Variants in USP7 observed in about 807,000 individuals in gnomAD.
USP7 encodes the protein ubiquitin specific peptidase 7, also known as ubiquitin C-terminal hydrolase 7.
Under a neutral mutation model 162.9 loss-of-function variants are expected in USP7, and 9 were observed. That is an observed-to-expected ratio of 0.06 (90% confidence interval 0.03 to 0.10). USP7 has a LOEUF of 0.10. Ranked by LOEUF, USP7 falls within the 10% of genes least tolerant of loss-of-function variation. USP7 has a pLI of 1.00. For synonymous variants in USP7, 562 were observed against 475.9 expected, an observed-to-expected ratio of 1.18 and a Z score of -2.35; for missense variants, 715 against 1,373.7, an observed-to-expected ratio of 0.52 and a Z score of 7.58.
chr16:8,936,823 T>A, intron 1 of USP7: 1 of 1,102,422 alleles, frequency 9.1e-7, no homozygotes, highest in Non-Finnish European at 1.1e-6. Flanking sequence ...AGGATATTAA[T>A]GGAAAAACTG....
chr16:8,934,109 C>T (rs193023783), intron 1 of USP7, among the ~76,000 whole-genome samples: 71 of 152,266 alleles, frequency 4.7e-4, no homozygotes, highest in Non-Finnish European at 7.6e-4. Context: ...TTTTAACTTC[C>T]TTGGTTCAAA....
intron 21 of USP7, 44 bp from the exon 22 acceptor site, chr16:8,899,801 C>T: frequency 1.2e-6 from 2 of 1,609,064 alleles, no homozygotes; most frequent in South Asian, 2.2e-5. Flanking sequence ...AAGTCCATGG[C>T]AGGGGGTAGC....
intron 1 of USP7, among the ~76,000 whole-genome samples, chr16:8,958,643 G>A (rs1483713632): frequency 2.0e-5 from 3 of 152,244 alleles, no homozygotes; most frequent in African/African-American, 4.8e-5. Flanking sequence ...GACTCCCAAC[G>A]TCTGGACACT....
intron 2 of USP7, among the ~76,000 whole-genome samples, chr16:8,929,993 T>G (rs1898227831): frequency 6.6e-6 from 1 of 152,196 alleles, no homozygotes; most frequent in Non-Finnish European, 1.5e-5. Flanking sequence ...AAGACATGCT[T>G]GTTGTTCCCA....
intron 22 of USP7, 64 bp downstream of exon 22, chr16:8,899,540 T>C: frequency 1.3e-6 from 2 of 1,586,970 alleles, no homozygotes; most frequent in South Asian, 2.3e-5. Flanking sequence ...CAACAAGCAT[T>C]TTAAGAAAGA....
intron 4 of USP7, 37 bp downstream of exon 4, chr16:8,921,120 T>C (rs773205019): frequency 9.3e-6 from 15 of 1,605,532 alleles, no homozygotes; most frequent in Admixed American, 3.4e-5. Context: ...CAAGCAGTAA[T>C]GCACCAATTG....
At chr16:8,962,553 C>T (rs150262523) in intron 1 of USP7, 2 of 428,474 alleles carry the variant, frequency 4.7e-6, no homozygotes, top group East Asian at 1.4e-4. Flanking sequence ...GCACACCTGG[C>T]CGGATGCTGG....
intron 1 of USP7, among the ~76,000 whole-genome samples, chr16:8,941,472 C>A (rs1470446626): frequency 2.6e-5 from 4 of 152,204 alleles, no homozygotes; most frequent in African/African-American, 9.6e-5. Context: ...TATCTCCAGC[C>A]GCATTTCAGC....
At chr16:8,918,826 G>C (rs916278724) in intron 6 of USP7, among the ~76,000 whole-genome samples, 3 of 152,054 alleles carry the variant, frequency 2.0e-5, no homozygotes, top group African/African-American at 7.2e-5. Context: ...AAAAAGGTTG[G>C]CGGTGGTAAC....
chr16:8,908,652 C>G (rs1306450832), intron 11 of USP7, among the ~76,000 whole-genome samples: 1 of 152,192 alleles, frequency 6.6e-6, no homozygotes. Context: ...TAAAATAATG[C>G]TGCACCAGCA....
At position 8,898,608 on chromosome 16, in the gene USP7, G is replaced by C. The variant is rs1567207327; in HGVS notation, c.2563C>G (p.His855Asp). ...TCTCTTAAAGTACCTTCATAATTAT[G>C]TCTAAGAGGATTACCTGGGCCATCC... ...YRDGPGNPLR[H>D]NYEGTLRDLL... Residue 855 changes from histidine to aspartate, a missense_variant, in exon 24 of 31, where the codon CAT (histidine) becomes GAT (aspartate). Physicochemically the swap from His to Asp is moderately conservative, Grantham distance 81. Around this residue, in one of 11 missense-constraint regions of USP7, gnomAD observed 222 missense variants for 441.7 expected, o/e 0.50. Transcript: ENST00000344836. 1 of 1,608,344 alleles carries C rather than the reference G, an allele frequency of 6.2e-7. No homozygotes were observed. The highest frequency in any genetic ancestry group is 8.5e-7 in the Non-Finnish European group (1 of 1,178,400).
At chr16:8,900,835 T>A (rs543980298) in intron 20 of USP7, 155 bp downstream of exon 20, 15 of 809,398 alleles carry the variant, frequency 1.9e-5, no homozygotes, top group South Asian at 2.0e-5. Context: ...AAAAAAAAAA[T>A]TCACAAATCT....
intron 1 of USP7, among the ~76,000 whole-genome samples, chr16:8,958,215 T>C (rs1309512605): frequency 1.3e-5 from 2 of 152,032 alleles, no homozygotes; most frequent in African/African-American, 4.8e-5. Flanking sequence ...AGTGCATGGG[T>C]CTTATGCAAG....
At chr16:8,911,609 G>A (rs1273980469) in intron 10 of USP7, among the ~76,000 whole-genome samples, 2 of 152,238 alleles carry the variant, frequency 1.3e-5, no homozygotes, top group Non-Finnish European at 2.9e-5. Flanking sequence ...AGAGCCCCGT[G>A]ATGGGCCCAG....
chr16:8,900,097 T>C (rs749584922), intron 21 of USP7: 2 of 402,060 alleles, frequency 5.0e-6, no homozygotes, highest in Non-Finnish European at 9.0e-6. Flanking sequence ...GAGCCCAGTC[T>C]CTGACCGTGA....
In USP7 at chr16:8,963,348, C is replaced by CGGCGGCGGGCCGG; in HGVS notation, c.-64_-63insCCGGCCCGCCGCC. ...CGGGGCTGCGAGCCCGGCGGGCGGGCGGCGGCGAGCCGGGGCGGCGGCGGC... is the reference window on the plus strand; with the variant it reads ...CGGGGCTGCGAGCCCGGCGGGCGGGCGGCGGCGGGCCGGGGCGGCGAGCCGGGGCGGCGGCGGC... On this transcript the variant is annotated 5_prime_UTR_variant, in exon 1 of 31. Coordinates refer to ENST00000344836, the MANE Select transcript of USP7 (RefSeq NM_003470.3). 1 of 628,382 alleles carries CGGCGGCGGGCCGG rather than the reference C, an allele frequency of 1.6e-6. No homozygotes were observed. The highest frequency in any genetic ancestry group is 2.0e-6 in the Non-Finnish European group (1 of 507,072). The allele number at this position is 628,382 out of a possible 1,614,324, so 38.9% of individuals were successfully genotyped here. A position where few individuals can be genotyped will look rare whatever the true frequency, so the allele number is the denominator to read the frequency against.
chr16:8,934,722 G>A (rs1405963378), intron 1 of USP7, among the ~76,000 whole-genome samples: 1 of 152,216 alleles, frequency 6.6e-6, no homozygotes, highest in East Asian at 1.9e-4. Context: ...CCTGACAGGT[G>A]CAGAGAAAGT....
At position 8,941,675 on chromosome 16, in the gene USP7, C is replaced by A. The variant is rs577903940; in HGVS notation, c.80-11278G>T. Among the ~76,000 whole-genome samples the A allele has an allele frequency of 3.3e-5, 5 of 152,278 alleles. No individual in the cohort carries two copies. The South Asian group carries it at 6.2e-4, about 19-fold the overall frequency. On this transcript the variant is annotated intron_variant, in intron 1 of 30. Coordinates refer to ENST00000344836, the MANE Select transcript of USP7 (RefSeq NM_003470.3). ...GTACCAGGAAAGACAAAGACCAGGC[C>A]GTGTTGGTGTGGTGAGGAGTGAGGG...
intron 8 of USP7, among the ~76,000 whole-genome samples, chr16:8,915,843 C>T (rs1013900568): frequency 3.9e-5 from 6 of 152,268 alleles, no homozygotes; most frequent in South Asian, 2.1e-4. Flanking sequence ...AAACTTAACT[C>T]GTAATGGTCC....
Sources: allele counts gnomAD v4.1 joint callset (sites outside exome capture counted in the v4.1 genomes callset), GRCh38; gene constraint gnomAD v4.1.1; regional missense constraint gnomAD v4.1.1; transcripts MANE v1.5; gene names NCBI Gene and HGNC (gene_info 2026-07-23, HGNC 2026-07-21).